DNAH17: variants seen among roughly 807,000 people sequenced by gnomAD.
DNAH17 encodes the protein dynein axonemal heavy chain 17.
A neutral mutation model predicts 485.6 loss-of-function variants in DNAH17; 376 were observed. The observed-to-expected ratio is 0.77, with a 90% CI of 0.71 to 0.84. The LOEUF (loss-of-function observed/expected upper bound fraction) is 0.84, where lower values mean the gene tolerates loss of function less well. DNAH17 is among the 40% of genes least tolerant of loss of function. The probability of loss-of-function intolerance (pLI) is 0.00; values close to 1 mark genes in which losing one functional copy is unlikely to be tolerated. For synonymous variants in DNAH17, 3,031 were observed against 2,405.9 expected, an observed-to-expected ratio of 1.26 and a Z score of -7.60; for missense variants, 6,370 against 5,839.3, an observed-to-expected ratio of 1.09 and a Z score of -2.96.
chr17:78,491,959 G>C (rs549979818), intron 42 of DNAH17, among the ~76,000 whole-genome samples: 1 of 152,210 alleles, frequency 6.6e-6, no homozygotes, highest in African/African-American at 2.4e-5. Flanking sequence ...GTCAGGCATG[G>C]AATGGAGCAA....
chr17:78,524,970 A>C, intron 25 of DNAH17, 39 bp downstream of exon 25: 1 of 1,577,654 alleles, frequency 6.3e-7, no homozygotes, highest in Non-Finnish European at 8.7e-7. Flanking sequence ...CTCCCTGCAG[A>C]ATCCCGGGCC....
At position 78,570,319 on chromosome 17, in the gene DNAH17, G is replaced by C. The variant is rs748247285; in HGVS notation, c.972C>G (p.Thr324=). The change falls in exon 7 of 81, where the codon ACC becomes ACG. Residue 324 remains threonine (T), a synonymous_variant. Transcript: ENST00000389840. The stretch of plus-strand genomic sequence containing the variant: ...TGGCAGGTGTGTTATAGTACTCAGA[G>C]GTGGCCCAGATGAAGCAGATGGTGT... ...VLDTICFIWA[T]SEYYNTPARI... 5 of 1,607,604 alleles carry C rather than the reference G, an allele frequency of 3.1e-6. No individual in the cohort carries two copies. The South Asian group carries it at 5.6e-5, about 18-fold the overall frequency.
intron 16 of DNAH17, among the ~76,000 whole-genome samples, chr17:78,547,865 G>A (rs2091807346): frequency 7.0e-6 from 1 of 142,134 alleles, no homozygotes; most frequent in Admixed American, 6.8e-5. Context: ...TGATCGGCCT[G>A]CCTTGGCCTC....
chr17:78,548,535 A>G (rs1180831608), intron 16 of DNAH17, among the ~76,000 whole-genome samples: 8 of 152,104 alleles, frequency 5.3e-5, no homozygotes, highest in Non-Finnish European at 5.9e-5. Context: ...AAAATGTCTT[A>G]GGTTTACTAA....
chr17:78,475,522 T>G, intron 53 of DNAH17, 53 bp from the exon 54 acceptor site: 5 of 1,611,448 alleles, frequency 3.1e-6, no homozygotes, highest in Non-Finnish European at 4.2e-6. Flanking sequence ...GAATCACCTC[T>G]GTCACCAGCA....
chr17:78,519,856 T>C (rs1235158858), intron 25 of DNAH17, among the ~76,000 whole-genome samples: 1 of 152,204 alleles, frequency 6.6e-6, no homozygotes, highest in African/African-American at 2.4e-5. Context: ...ACGCCTGTAA[T>C]CCCAGCACTT....
chr17:78,486,329 C>T lies in DNAH17; in HGVS notation c.6996G>A (p.Leu2332=). The change falls in exon 45 of 81, where the codon CTG becomes CTA. Residue 2332 remains leucine (L), a synonymous_variant. Transcript: ENST00000389840. ...IQTILYLLEC[L]LTEKTVPPDS... is the part of the protein sequence containing the mutation. Reference sequence around the variant, plus strand: ...CGGGGGGCACGGTCTTCTCCGTGAGCAGGCACTCCAGCAGGTACAGAATCG... The same window carrying T: ...CGGGGGGCACGGTCTTCTCCGTGAGTAGGCACTCCAGCAGGTACAGAATCG... 2 of 1,613,704 alleles carry T rather than the reference C, an allele frequency of 1.2e-6. No homozygotes were observed. The highest frequency in any genetic ancestry group is 1.7e-6 in the Non-Finnish European group (2 of 1,179,710).
Position 78,543,888 on chromosome 17 carries a change from T to A in DNAH17, c.2501A>T (p.Asp834Val), listed in dbSNP as rs991428801. Residue 834 changes from aspartate to valine, a missense_variant, in exon 17 of 81, where the codon GAT becomes GTT. Coordinates refer to ENST00000389840, the MANE Select transcript of DNAH17 (RefSeq NM_173628.4). Reference sequence around the variant, plus strand: ...CATGGCTTGGATCTTCACTCCAGCATCCCTGACTGCTGCGTAGCGCTTGTT... The same window carrying A: ...CATGGCTTGGATCTTCACTCCAGCAACCCTGACTGCTGCGTAGCGCTTGTT... ...NLNKRYAAVR[D>V]AGVKIQAMVA... 4 of 1,613,958 alleles carry A rather than the reference T, an allele frequency of 2.5e-6. No individual in the cohort carries two copies. The highest frequency in any genetic ancestry group is 3.4e-6 in the Non-Finnish European group (4 of 1,179,914).
chr17:78,527,444 G>A (rs1464320699), intron 22 of DNAH17, among the ~76,000 whole-genome samples: 2 of 152,150 alleles, frequency 1.3e-5, no homozygotes, highest in Non-Finnish European at 2.9e-5. Flanking sequence ...TGACATTGGT[G>A]TCTCTGTTAA....
chr17:78,527,221 A>G (rs992277594), intron 22 of DNAH17, among the ~76,000 whole-genome samples: 1 of 152,012 alleles, frequency 6.6e-6, no homozygotes, highest in African/African-American at 2.4e-5. Flanking sequence ...CATCTCTACA[A>G]AAAATACAAA....
At chr17:78,439,665 C>CTTTT (rs11399691) in intron 72 of DNAH17, among the ~76,000 whole-genome samples, 70 of 92,204 alleles carry the variant, frequency 7.6e-4, no homozygotes, top group African/African-American at 1.3e-3. Context: ...CAGTACTTCA[C>CTTTT]TTTTTTTTTT....
intron 74 of DNAH17, among the ~76,000 whole-genome samples, chr17:78,437,082 G>A (rs766618688): frequency 3.3e-5 from 5 of 152,212 alleles, no homozygotes; most frequent in Non-Finnish European, 5.9e-5. Context: ...GTTAGCAGAG[G>A]AGGACCGGGC....
intron 75 of DNAH17, among the ~76,000 whole-genome samples, chr17:78,430,958 G>A (rs1291647091): frequency 2.0e-5 from 3 of 152,106 alleles, no homozygotes; most frequent in Non-Finnish European, 4.4e-5. Context: ...ATGGCTCACT[G>A]CAGCCTTGAT....
rs368286264 is a variant in DNAH17, at chr17:78,486,066, G to A, written c.7169C>T (p.Ser2390Leu). Residue 2390 changes from serine (S) to leucine (L), a missense_variant, in exon 46 of 81, where the codon TCG (serine) becomes TTG (leucine). Ser to Leu is a moderately radical substitution (Grantham distance 145). Coordinates refer to ENST00000389840, the MANE Select transcript of DNAH17 (RefSeq NM_173628.4). ...GTAGTAGTCAAAAATCGTTCCCTGCGAGGGGAACTTGATAGTCTTGAATTC... is the reference window on the plus strand; with the variant it reads ...GTAGTAGTCAAAAATCGTTCCCTGCAAGGGGAACTTGATAGTCTTGAATTC... ...INEFKTIKFP[S>L]QGTIFDYYID... 1.3e-5 allele frequency: 21 copies of A among 1,613,820 alleles called. 1 individual carries two copies. The highest frequency in any genetic ancestry group is 1.6e-4 in the Middle Eastern group (1 of 6,084).
intron 17 of DNAH17, among the ~76,000 whole-genome samples, chr17:78,540,244 G>A (rs1371959244): frequency 6.8e-6 from 1 of 147,644 alleles, no homozygotes; most frequent in Non-Finnish European, 1.5e-5. Flanking sequence ...ATGCCCTTTT[G>A]ATGCCCAAAT....
intron 38 of DNAH17, 113 bp from the exon 39 acceptor site, chr17:78,495,210 C>T (rs1020612272): frequency 5.9e-6 from 8 of 1,353,622 alleles, no homozygotes; most frequent in Non-Finnish European, 7.9e-6. Context: ...TAGACCACAG[C>T]AGAGTGTTGA....
At chr17:78,538,204 G>A (rs1266155222) in intron 18 of DNAH17, among the ~76,000 whole-genome samples, 1 of 150,942 alleles carries the variant, frequency 6.6e-6, no homozygotes, top group Non-Finnish European at 1.5e-5. Context: ...TTACTACAGG[G>A]GCTAAATGAA....
At chr17:78,485,525 C>T (rs545867466) in intron 47 of DNAH17, 25 bp downstream of exon 47, 29 of 1,546,652 alleles carry the variant, frequency 1.9e-5, no homozygotes, top group Admixed American at 9.7e-5. Flanking sequence ...GCCGGGTAGG[C>T]AGGGCGTGGC....
chr17:78,459,292 G>T, intron 60 of DNAH17, 84 bp from the exon 61 acceptor site: 1 of 1,329,968 alleles, frequency 7.5e-7, no homozygotes, highest in Non-Finnish European at 1.1e-6. Context: ...GTCTTGCCCA[G>T]GGTGGCACAG....
Sources: gnomAD v4.1 joint callset for allele counts (sites outside exome capture counted in the v4.1 genomes callset) on GRCh38, gnomAD v4.1.1 for gene constraint, MANE v1.5 for transcripts, NCBI Gene and HGNC (gene_info 2026-07-23, HGNC 2026-07-21) for gene names.